The following LUZP1 variants were observed in gnomAD, a reference collection of about 807,000 sequenced individuals.
LUZP1 encodes filamin mechanobinding actin cross-linking protein.
LUZP1 carries 25 observed loss-of-function variants against 71.3 expected under a neutral mutation model. The ratio of observed to expected loss-of-function variants is 0.35; its 90% CI spans 0.26 to 0.49. The LOEUF (loss-of-function observed/expected upper bound fraction) is 0.49. Among genes scored for constraint, LUZP1 ranks in the 20% least tolerant of loss-of-function variants. LUZP1 has a pLI of 0.99. For missense variants in LUZP1, 1,142 were observed against 1,300.8 expected, an observed-to-expected ratio of 0.88 and a Z score of 1.88; for synonymous variants, 481 against 506.4, an observed-to-expected ratio of 0.95 and a Z score of 0.67.
chr1:23,091,074 T>C, intron 4 of LUZP1, 116 bp downstream of exon 3: 1 of 1,096,218 alleles, frequency 9.1e-7, no homozygotes, highest in Non-Finnish European at 1.3e-6. Context: ...AGGAACCCAG[T>C]TCTACTCAGT....
At chr1:23,154,741 A>G (rs1438266754) in intron 2 of LUZP1, among the ~76,000 whole-genome samples, 19 of 136,496 alleles carry the variant, frequency 1.4e-4, no homozygotes, top group African/African-American at 4.9e-4. Flanking sequence ...TTTTTAGTAG[A>G]GACGGGGTTT....
chr1:23,174,586 C>T (rs1644571925), intron 1 of LUZP1, among the ~76,000 whole-genome samples: 1 of 152,162 alleles, frequency 6.6e-6, no homozygotes, highest in South Asian at 2.1e-4. Flanking sequence ...TTGTGTCTAC[C>T]ATGTCTAAAC....
intron 2 of LUZP1, among the ~76,000 whole-genome samples, chr1:23,142,715 A>G (rs1644314679): frequency 1.6e-5 from 1 of 64,012 alleles, no homozygotes; most frequent in African/African-American, 7.3e-5. Flanking sequence ...ACACACACAC[A>G]CACACACACA....
chr1:23,122,242 G>T (rs1375676353), intron 2 of LUZP1, among the ~76,000 whole-genome samples: 1 of 152,086 alleles, frequency 6.6e-6, no homozygotes, highest in Non-Finnish European at 1.5e-5. Context: ...ACTTAAGGCA[G>T]AATAAAATAT....
rs35645814 is a variant in LUZP1, at chr1:23,092,310, G to C, written c.1952C>G (p.Ser651Cys). The change falls in exon 4 of 5, where the codon TCC becomes TGC. Residue 651 changes from serine to cysteine, a missense_variant. Transcript: ENST00000302291. ...TGAGTCTGGCTTCTCTCTGCCACTG[G>C]ATTTGATGACTCGACACCTCAAGGC... is the stretch of plus-strand genomic sequence containing the variant. 0.012 allele frequency: 19,542 copies of C among 1,614,120 alleles called. 147 individuals are homozygous for C. Among genetic ancestry groups the C allele is most frequent in the Middle Eastern group, 0.018 (109 of 6,062 alleles).
At chr1:23,089,276 C>T (rs565622072) in intron 4 of LUZP1, among the ~76,000 whole-genome samples, 1 of 152,226 alleles carries the variant, frequency 6.6e-6, no homozygotes, top group Non-Finnish European at 1.5e-5. Flanking sequence ...TGGGAACAAT[C>T]AGGGTAGGCT....
At chr1:23,160,713 T>A (rs1392477113) in intron 2 of LUZP1, among the ~76,000 whole-genome samples, 1 of 152,140 alleles carries the variant, frequency 6.6e-6, no homozygotes. Context: ...TGAAAATAAC[T>A]GAGGAGGGCA....
At chr1:23,138,506 G>A (rs1041777893) in intron 2 of LUZP1, among the ~76,000 whole-genome samples, 2 of 152,044 alleles carry the variant, frequency 1.3e-5, no homozygotes, top group Non-Finnish European at 2.9e-5. Context: ...AGCAGAGAAC[G>A]GAGAGTGACT....
At chr1:23,163,924 G>T (rs1644489513) in intron 2 of LUZP1, 1 of 152,128 alleles carries the variant, frequency 6.6e-6, no homozygotes, top group South Asian at 2.1e-4. Flanking sequence ...CTACCTCATA[G>T]AGTTATTATT....
At chr1:23,125,556 G>C (rs925655031) in intron 2 of LUZP1, among the ~76,000 whole-genome samples, 1 of 152,194 alleles carries the variant, frequency 6.6e-6, no homozygotes, top group South Asian at 2.1e-4. Context: ...TGTTGAGTGT[G>C]AGCAAGCTTT....
At chr1:23,172,453 G>A (rs1294791597) in intron 1 of LUZP1, among the ~76,000 whole-genome samples, 1 of 151,892 alleles carries the variant, frequency 6.6e-6, no homozygotes, top group African/African-American at 2.4e-5. Flanking sequence ...GAGACCAGGA[G>A]TTTGAGACCA....
intron 1 of LUZP1, among the ~76,000 whole-genome samples, chr1:23,177,251 T>A (rs1424283774): frequency 6.6e-6 from 1 of 151,924 alleles, no homozygotes; most frequent in African/African-American, 2.4e-5. Context: ...CGAAGAAAAA[T>A]GCAACACACA....
chr1:23,147,190 C>T (rs1250177114), intron 2 of LUZP1, among the ~76,000 whole-genome samples: 2 of 151,476 alleles, frequency 1.3e-5, no homozygotes, highest in Non-Finnish European at 1.5e-5. Flanking sequence ...CCTGTAATCC[C>T]AGCACTTTGG....
chr1:23,113,894 AAAAAG>A (rs892471829), intron 2 of LUZP1, among the ~76,000 whole-genome samples: 1 of 152,172 alleles, frequency 6.6e-6, no homozygotes, highest in Non-Finnish European at 1.5e-5. Flanking sequence ...AAGAAAAAAA[AAAAAG>A]AAAATATGCT....
intron 2 of LUZP1, among the ~76,000 whole-genome samples, chr1:23,119,264 T>TG (rs1242860792): frequency 6.9e-6 from 1 of 143,944 alleles, no homozygotes; most frequent in East Asian, 2.0e-4. Context: ...TTTTTTTTTT[T>TG]TTTTTTTTTT....
intron 2 of LUZP1, chr1:23,109,448 C>T (rs1210216139): frequency 6.6e-6 from 1 of 152,212 alleles, no homozygotes; most frequent in East Asian, 1.9e-4. Context: ...ATGTACATGA[C>T]ATCTTACAGC....
At chr1:23,092,346 C>T in exon 4 of LUZP1, 1 of 1,614,218 alleles carries the variant, frequency 6.2e-7, no homozygotes, top group South Asian at 1.1e-5. Context: ...TTCATGCGGA[C>T]TGCTGTCTTC....
At chr1:23,087,522 G>A (rs1419745692) in exon 5 of LUZP1, 1 of 152,506 alleles carries the variant, frequency 6.6e-6, no homozygotes, top group African/African-American at 2.4e-5. Flanking sequence ...AAAGCCATGG[G>A]GAAAAAAATC....
downstream of LUZP1, chr1:23,083,986 A>C (rs1173736871): frequency 1.3e-5 from 2 of 150,968 alleles, no homozygotes; most frequent in Non-Finnish European, 2.9e-5. Context: ...CTTTGGATGC[A>C]CTTTCAAGAT....
Sources: allele counts gnomAD v4.1 joint callset (sites outside exome capture counted in the v4.1 genomes callset), GRCh38; gene constraint gnomAD v4.1.1; transcripts MANE v1.5; gene names NCBI Gene and HGNC (gene_info 2026-07-23, HGNC 2026-07-21).